Variants in EVI5 observed in about 807,000 individuals in gnomAD.
The protein encoded by EVI5 is ecotropic viral integration site 5 protein homolog.
EVI5 carries 73 observed loss-of-function variants against 112.0 expected under a neutral mutation model. That is an observed-to-expected ratio of 0.65 (90% confidence interval 0.54 to 0.79). EVI5 has a LOEUF of 0.79. Among genes scored for constraint, EVI5 ranks in the 30% least tolerant of loss-of-function variants. The pLI is 0.00. For missense variants in EVI5, 900 were observed against 968.8 expected (o/e 0.93, Z 0.94); for synonymous variants, 305 against 319.9 (o/e 0.95, Z 0.50).
intron 19 of EVI5, among the ~76,000 whole-genome samples, chr1:92,522,909 C>T (rs1001409179): frequency 5.3e-5 from 8 of 152,114 alleles, no homozygotes; most frequent in African/African-American, 1.9e-4. Context: ...AGGAACACTC[C>T]ACCACACTAA....
At chr1:92,704,818 G>C (rs767419315) in intron 2 of EVI5, 74 bp from the exon 3 acceptor site, 2 of 542,586 alleles carry the variant, frequency 3.7e-6, no homozygotes, top group Non-Finnish European at 6.3e-6. Context: ...GATACTTAGA[G>C]CTTTATTACT....
Position 92,759,755 on chromosome 1 carries a change from C to T in EVI5, c.-81-23128G>A, listed in dbSNP as rs144400589. On this transcript the variant is annotated intron_variant, in intron 1 of 19. Transcript: ENST00000684568. The stretch of plus-strand genomic sequence containing the variant: ...AGCCTTTTCTGTCTGGCTTATTTTA[C>T]TTAGCATAATGTTTTCAAGGTTCAT... 2.6e-5 allele frequency among the ~76,000 whole-genome samples: 4 copies of T among 152,090 alleles called. No individual in the cohort carries two copies. The East Asian group carries it at 7.7e-4, about 29-fold the overall frequency.
intron 2 of EVI5, among the ~76,000 whole-genome samples, chr1:92,735,779 CATATT>C (rs914690400): frequency 1.4e-5 from 2 of 139,210 alleles, no homozygotes; most frequent in South Asian, 2.2e-4. Flanking sequence ...TTATATATAA[CATATT>C]ATAAAGTATA....
chr1:92,565,775 C>T (rs1221364076), intron 18 of EVI5, among the ~76,000 whole-genome samples: 1 of 151,658 alleles, frequency 6.6e-6, no homozygotes, highest in Non-Finnish European at 1.5e-5. Flanking sequence ...TCAAGACCAG[C>T]CTGGCCAACA....
chr1:92,559,614 A>G (rs1419088899), intron 19 of EVI5, among the ~76,000 whole-genome samples: 1 of 151,874 alleles, frequency 6.6e-6, no homozygotes, highest in Non-Finnish European at 1.5e-5. Context: ...TCTACTAAAA[A>G]AATGCAAAAA....
At chr1:92,612,257 C>G (rs1351413298) in intron 16 of EVI5, among the ~76,000 whole-genome samples, 33 of 151,512 alleles carry the variant, frequency 2.2e-4, no homozygotes, top group Non-Finnish European at 5.9e-5. Flanking sequence ...AAAGAAAAAA[C>G]TAAATCCAAT....
At chr1:92,550,814 A>ATATAT (rs1299209083) in intron 19 of EVI5, among the ~76,000 whole-genome samples, 19 of 104,440 alleles carry the variant, frequency 1.8e-4, no homozygotes, top group East Asian at 5.9e-4. Flanking sequence ...ATATATATAT[A>ATATAT]ACAAAAAAAA....
intron 1 of EVI5, among the ~76,000 whole-genome samples, chr1:92,775,491 T>G (rs1683994346): frequency 6.6e-6 from 1 of 152,100 alleles, no homozygotes; most frequent in African/African-American, 2.4e-5. Context: ...GTATCTTTGC[T>G]GTTTAGATAC....
chr1:92,629,517 C>T (rs1656421002), intron 14 of EVI5, among the ~76,000 whole-genome samples: 1 of 152,196 alleles, frequency 6.6e-6, no homozygotes, highest in South Asian at 2.1e-4. Flanking sequence ...TTACTTATCT[C>T]ATCTTTGATG....
intron 9 of EVI5, among the ~76,000 whole-genome samples, chr1:92,686,463 C>T (rs1668550250): frequency 6.6e-6 from 1 of 152,202 alleles, no homozygotes; most frequent in South Asian, 2.1e-4. Flanking sequence ...AAGCTGGAAG[C>T]ATTCCCTTTG....
At position 92,513,829 on chromosome 1, in the gene EVI5, C is replaced by T. The variant is rs1659430746; in HGVS notation, c.2308G>A (p.Gly770Ser). 6.2e-7 allele frequency: 1 copy of T among 1,613,652 alleles called. No individual in the cohort carries two copies. The highest frequency in any genetic ancestry group is 1.7e-5 in the Admixed American group (1 of 59,954). ...DFIDNSLQET[G>S]VGFPLHGKSG... ...TTTCCGTGCAAAGGAAAACCAACAC[C>T]AGTTTCCTGTAAGGAATTATCTATA... The change falls in exon 20 of 20, where the codon GGT (glycine) becomes AGT (serine). Residue 770 changes from glycine (G) to serine (S), a missense_variant. Transcript: ENST00000684568.
At chr1:92,704,324 G>A (rs1570465911) in intron 3 of EVI5, among the ~76,000 whole-genome samples, 2 of 152,024 alleles carry the variant, frequency 1.3e-5, no homozygotes, top group Non-Finnish European at 2.9e-5. Context: ...ATAATAATAA[G>A]TAAATAAAAT....
intron 1 of EVI5, among the ~76,000 whole-genome samples, chr1:92,773,640 T>C (rs1291429381): frequency 6.6e-6 from 1 of 151,852 alleles, no homozygotes; most frequent in African/African-American, 2.4e-5. Flanking sequence ...AGACCTCATC[T>C]CTGAAAATAA....
intron 16 of EVI5, among the ~76,000 whole-genome samples, chr1:92,613,581 C>T (rs758135145): frequency 5.9e-5 from 9 of 152,026 alleles, no homozygotes; most frequent in Non-Finnish European, 1.0e-4. Context: ...TGAGCCACCA[C>T]GCCCAGCCAT....
At chr1:92,553,055 C>T (rs1667180978) in intron 19 of EVI5, among the ~76,000 whole-genome samples, 1 of 152,130 alleles carries the variant, frequency 6.6e-6, no homozygotes, top group South Asian at 2.1e-4. Flanking sequence ...ACCAATTATA[C>T]TTTATGAATA....
At chr1:92,710,111 G>C (rs561383753) in intron 2 of EVI5, among the ~76,000 whole-genome samples, 1 of 63,298 alleles carries the variant, frequency 1.6e-5, no homozygotes, top group African/African-American at 5.5e-5. Context: ...GGGAGGCCGA[G>C]GCAGGTGGAT....
intron 19 of EVI5, among the ~76,000 whole-genome samples, chr1:92,536,741 G>A (rs906795147): frequency 2.0e-5 from 3 of 152,094 alleles, no homozygotes; most frequent in Admixed American, 1.3e-4. Context: ...AATCTGTGCC[G>A]AGAAAATATG....
chr1:92,784,831 C>A lies in EVI5; in HGVS notation c.-82+5G>T. 1 of 985,928 alleles carries A rather than the reference C, an allele frequency of 1.0e-6. No homozygotes were observed. Among genetic ancestry groups the A allele is most frequent in the Non-Finnish European group, 1.2e-6 (1 of 830,444 alleles). The allele number at this position is 985,928 out of a possible 1,614,324, so 61.1% of individuals were successfully genotyped here. On this transcript the variant is annotated splice_donor_5th_base_variant and intron_variant, in intron 1 of 19. Transcript: ENST00000684568. ...GCCCGCCCGGCCTGGCGCAGCGCCC[C>A]TCACCTTGGAAACGTTGAGTAGACT...
chr1:92,786,268 T>C (rs927859734), upstream of EVI5, among the ~76,000 whole-genome samples: 32 of 151,450 alleles, frequency 2.1e-4, 1 homozygote, highest in South Asian at 3.1e-3. Flanking sequence ...TACTTTTTTT[T>C]CAACAAGATT....
Sources: allele counts gnomAD v4.1 joint callset (sites outside exome capture counted in the v4.1 genomes callset), GRCh38; gene constraint gnomAD v4.1.1; transcripts MANE v1.5; gene names NCBI Gene and HGNC (gene_info 2026-07-23, HGNC 2026-07-21).